The following SLC22A24 variants were observed in gnomAD, a reference collection of about 807,000 sequenced individuals.
The protein encoded by SLC22A24 is steroid transmembrane transporter SLC22A24.
Under a neutral mutation model 49.8 loss-of-function variants are expected in SLC22A24, and 53 were observed. That is an observed-to-expected ratio of 1.06 (90% confidence interval 0.85 to 1.34). The LOEUF is 1.34. Among genes scored for constraint, SLC22A24 ranks in the 40% most tolerant of loss-of-function variants. The pLI is 0.00. For synonymous variants in SLC22A24, 302 were observed against 256.4 expected, an observed-to-expected ratio of 1.18 and a Z score of -1.70; for missense variants, 786 against 675.9, an observed-to-expected ratio of 1.16 and a Z score of -1.81.
chr11:63,114,039 T>C (rs1190178814), intron 4 of SLC22A24, among the ~76,000 whole-genome samples: 2 of 152,130 alleles, frequency 1.3e-5, no homozygotes, highest in African/African-American at 2.4e-5. Flanking sequence ...CAATTGTGTG[T>C]CTTGGGGTTG....
chr11:63,126,745 T>C (rs1029521821), intron 2 of SLC22A24, among the ~76,000 whole-genome samples: 6 of 152,204 alleles, frequency 3.9e-5, no homozygotes, highest in African/African-American at 1.4e-4. Flanking sequence ...TAAATTACTT[T>C]GGGAAGTATG....
At chr11:63,133,670 C>T (rs1237193805) in intron 2 of SLC22A24, among the ~76,000 whole-genome samples, 1 of 151,720 alleles carries the variant, frequency 6.6e-6, no homozygotes, top group Non-Finnish European at 1.5e-5. Context: ...CAGACAGTGT[C>T]TCGCTTTGTT....
chr11:63,138,772 G>T (rs977246898), intron 1 of SLC22A24, among the ~76,000 whole-genome samples: 2 of 151,944 alleles, frequency 1.3e-5, no homozygotes, highest in South Asian at 4.2e-4. Context: ...GGTGGCCTGG[G>T]TTCAATTGTT....
rs889841514 is a variant in SLC22A24 at position 63,090,520 on chromosome 11, CA to C, written c.1070+5470del. 1.7e-4 allele frequency among the ~76,000 whole-genome samples: 26 copies of C among 151,998 alleles called. 1 individual carries two copies. Among genetic ancestry groups the C allele is most frequent in the Non-Finnish European group, 3.2e-4 (22 of 68,014 alleles). ...CATAACAGTCTCTCAGACCACAGTGCAATCAAATTAGAACTCAGGATTAAGA... is the reference window on the plus strand; with the variant it reads ...CATAACAGTCTCTCAGACCACAGTGCATCAAATTAGAACTCAGGATTAAGA... On this transcript the variant is annotated intron_variant, in intron 6 of 9. Transcript: ENST00000612278.
intron 6 of SLC22A24, among the ~76,000 whole-genome samples, chr11:63,091,645 A>G (rs2087021052): frequency 6.6e-6 from 1 of 152,208 alleles, no homozygotes; most frequent in African/African-American, 2.4e-5. Context: ...AAACAGAACC[A>G]ATGACAAAAA....
chr11:63,132,627 A>G (rs1291541464), intron 2 of SLC22A24, among the ~76,000 whole-genome samples: 1 of 152,134 alleles, frequency 6.6e-6, no homozygotes, highest in Admixed American at 6.5e-5. Flanking sequence ...GCAGAACAGC[A>G]AATATTGCAG....
intron 6 of SLC22A24, among the ~76,000 whole-genome samples, chr11:63,093,541 A>T (rs2087033772): frequency 6.6e-6 from 1 of 151,920 alleles, no homozygotes; most frequent in East Asian, 1.9e-4. Flanking sequence ...TGTCCTTTGC[A>T]GGAACATGGG....
At chr11:63,134,625 A>G in intron 2 of SLC22A24, 40 bp downstream of exon 2, 6 of 1,141,286 alleles carry the variant, frequency 5.3e-6, no homozygotes, top group South Asian at 2.7e-5. Flanking sequence ...TGAATATATC[A>G]TCTGATAAAC....
chr11:63,097,923 A>T (rs2087065589), intron 5 of SLC22A24, among the ~76,000 whole-genome samples: 1 of 151,924 alleles, frequency 6.6e-6, no homozygotes. Context: ...CTGTTGGGGG[A>T]TGGGGGGCAA....
intron 5 of SLC22A24, among the ~76,000 whole-genome samples, chr11:63,100,625 A>C (rs2087084718): frequency 1.3e-5 from 2 of 152,144 alleles, no homozygotes; most frequent in African/African-American, 4.8e-5. Flanking sequence ...AAAAGAATAA[A>C]ACTGGAGGAA....
chr11:63,101,074 C>T (rs151253658), intron 5 of SLC22A24, among the ~76,000 whole-genome samples: 1 of 152,138 alleles, frequency 6.6e-6, no homozygotes, highest in African/African-American at 2.4e-5. Flanking sequence ...TAAAAAGCTT[C>T]TGCACAGTAA....
chr11:63,090,663 C>CAATCAATAAATA (rs142116750), intron 6 of SLC22A24, among the ~76,000 whole-genome samples: 2 of 137,992 alleles, frequency 1.4e-5, no homozygotes, highest in Non-Finnish European at 3.1e-5. Context: ...ACTTAAAGTA[C>CAATCAATAAATA]AATAAATAAA....
chr11:63,103,758 T>C (rs1163790967), intron 5 of SLC22A24, among the ~76,000 whole-genome samples: 2 of 152,194 alleles, frequency 1.3e-5, no homozygotes, highest in African/African-American at 4.8e-5. Context: ...CAATGGGATA[T>C]TTATTGAATT....
intron 2 of SLC22A24, 137 bp from the exon 3 acceptor site, chr11:63,119,472 T>C: frequency 1.2e-6 from 1 of 821,138 alleles, no homozygotes; most frequent in Non-Finnish European, 1.9e-6. Flanking sequence ...GGTGGCATAA[T>C]TATATTAGTG....
intron 5 of SLC22A24, among the ~76,000 whole-genome samples, chr11:63,100,008 T>C (rs2087081034): frequency 6.6e-6 from 1 of 152,036 alleles, no homozygotes; most frequent in Non-Finnish European, 1.5e-5. Context: ...ATCCCTAAAA[T>C]TCAGAAAAAG....
chr11:63,095,626 T>C (rs925726098), intron 6 of SLC22A24, among the ~76,000 whole-genome samples: 1 of 152,110 alleles, frequency 6.6e-6, no homozygotes, highest in Non-Finnish European at 1.5e-5. Flanking sequence ...GGTTACATAG[T>C]TTTATAGATT....
intron 2 of SLC22A24, among the ~76,000 whole-genome samples, chr11:63,123,169 T>C (rs2087264045): frequency 6.6e-6 from 1 of 151,984 alleles, no homozygotes; most frequent in Admixed American, 6.6e-5. Context: ...TGAATGCTAG[T>C]GAAAAAAGAA....
intron 5 of SLC22A24, among the ~76,000 whole-genome samples, chr11:63,098,714 A>T (rs2087070808): frequency 6.6e-6 from 1 of 152,096 alleles, no homozygotes; most frequent in African/African-American, 2.4e-5. Flanking sequence ...AAACAATCTA[A>T]TGATGTGTCT....
intron 2 of SLC22A24, among the ~76,000 whole-genome samples, chr11:63,130,667 A>C (rs2087327725): frequency 6.6e-6 from 1 of 152,136 alleles, no homozygotes; most frequent in South Asian, 2.1e-4. Flanking sequence ...TTATTGTTCT[A>C]TTCAGAGATT....
Sources: gnomAD v4.1 joint callset for allele counts (sites outside exome capture counted in the v4.1 genomes callset) on GRCh38, gnomAD v4.1.1 for gene constraint, MANE v1.5 for transcripts, NCBI Gene and HGNC (gene_info 2026-07-23, HGNC 2026-07-21) for gene names.